ADAMTS17: variants seen among roughly 807,000 people sequenced by gnomAD.
ADAMTS17 encodes ADAM metallopeptidase with thrombospondin type 1 motif 17, also known as A disintegrin and metalloproteinase with thrombospondin motifs 17.
ADAMTS17 carries 113 observed loss-of-function variants against 141.5 expected under a neutral mutation model. The ratio of observed to expected loss-of-function variants is 0.80; its 90% CI spans 0.69 to 0.93. The LOEUF (loss-of-function observed/expected upper bound fraction) is 0.93. Ranked by LOEUF, ADAMTS17 falls within the 40% of genes least tolerant of loss-of-function variation. The pLI, the probability that ADAMTS17 is intolerant of heterozygous loss-of-function variation, is 0.00. For missense variants in ADAMTS17, 1,659 were observed against 1,517.9 expected (o/e 1.09, Z -1.54); for synonymous variants, 768 against 630.6 (o/e 1.22, Z -3.27).
intron 18 of ADAMTS17, 116 bp downstream of exon 18, chr15:100,048,741 T>C: frequency 6.7e-7 from 1 of 1,490,164 alleles, no homozygotes; most frequent in South Asian, 1.2e-5. Flanking sequence ...TCATCAACAA[T>C]AACGGAACAC....
intron 15 of ADAMTS17, among the ~76,000 whole-genome samples, chr15:100,087,219 A>G (rs1372437510): frequency 6.6e-6 from 1 of 152,216 alleles, no homozygotes; most frequent in Non-Finnish European, 1.5e-5. Flanking sequence ...CCTCTACACA[A>G]ATAAACTAGA....
At chr15:100,323,386 T>C (rs2045795291) in intron 3 of ADAMTS17, among the ~76,000 whole-genome samples, 1 of 152,290 alleles carries the variant, frequency 6.6e-6, no homozygotes, top group South Asian at 2.1e-4. Context: ...CTTACCACTA[T>C]ACTGTACTGC....
chr15:100,319,239 C>T (rs7183419), intron 3 of ADAMTS17, among the ~76,000 whole-genome samples: 11,449 of 152,250 alleles, frequency 0.075, 910 homozygotes, highest in East Asian at 0.24. Context: ...GTAAATGGGA[C>T]GTGTGCTTTT....
intron 18 of ADAMTS17, among the ~76,000 whole-genome samples, chr15:100,021,056 T>C (rs2061398652): frequency 6.6e-6 from 1 of 152,194 alleles, no homozygotes; most frequent in Admixed American, 6.5e-5. Context: ...TTCCCTCTCA[T>C]GGCTCACTTA....
Position 100,341,883 on chromosome 15 carries a change from A to G in ADAMTS17, c.17T>C (p.Leu6Pro). The part of the protein sequence containing the change: MCDGA[L>P]LPPLVLPVLL... The stretch of plus-strand genomic sequence containing the variant: ...CACGGGCAGGACGAGCGGAGGCAGC[A>G]GGGCGCCGTCACACATGGTACCCGG... The change falls in exon 1 of 22, where the codon CTG becomes CCG. Residue 6 changes from leucine to proline, a missense_variant. Physicochemically the swap from Leu to Pro is moderately conservative, Grantham distance 98. Transcript: ENST00000268070. 6.4e-7 allele frequency: 1 copy of G among 1,551,426 alleles called. No homozygotes were observed. The highest frequency in any genetic ancestry group is 8.7e-7 in the Non-Finnish European group (1 of 1,147,580).
At chr15:100,063,913 G>T (rs1169128114) in intron 15 of ADAMTS17, among the ~76,000 whole-genome samples, 2 of 152,140 alleles carry the variant, frequency 1.3e-5, no homozygotes, top group African/African-American at 4.8e-5. Context: ...CTAAGGCCAG[G>T]ACCTCCCAGT....
intron 7 of ADAMTS17, among the ~76,000 whole-genome samples, chr15:100,201,907 T>C (rs1187633186): frequency 6.6e-6 from 1 of 152,230 alleles, no homozygotes; most frequent in Non-Finnish European, 1.5e-5. Context: ...ACAGCCCTGA[T>C]GGTATGTGCA....
chr15:100,317,110 T>C (rs1215851059), intron 3 of ADAMTS17, among the ~76,000 whole-genome samples: 1 of 152,196 alleles, frequency 6.6e-6, no homozygotes, highest in African/African-American at 2.4e-5. Flanking sequence ...AAAGGGTAAG[T>C]GTCCACTCAC....
chr15:100,130,926 T>C (rs1188317041), intron 12 of ADAMTS17, among the ~76,000 whole-genome samples: 6 of 152,174 alleles, frequency 3.9e-5, no homozygotes, highest in Non-Finnish European at 8.8e-5. Flanking sequence ...CATATGTTTA[T>C]TGTGGCACTA....
intron 16 of ADAMTS17, among the ~76,000 whole-genome samples, chr15:100,053,180 G>C (rs1310191603): frequency 1.3e-5 from 2 of 152,210 alleles, no homozygotes; most frequent in Non-Finnish European, 2.9e-5. Context: ...TGAGCCATCA[G>C]AAGTTAGCCA....
At chr15:100,094,761 A>G (rs1431430382) in intron 15 of ADAMTS17, among the ~76,000 whole-genome samples, 1 of 152,242 alleles carries the variant, frequency 6.6e-6, no homozygotes, top group African/African-American at 2.4e-5. Flanking sequence ...GTAATCCTTT[A>G]CCAACTGCAG....
chr15:100,044,999 G>A (rs905829638), intron 18 of ADAMTS17, among the ~76,000 whole-genome samples: 3 of 151,830 alleles, frequency 2.0e-5, no homozygotes, highest in Non-Finnish European at 4.4e-5. Context: ...GTAGAGATGG[G>A]GTTTCATCAT....
intron 8 of ADAMTS17, among the ~76,000 whole-genome samples, chr15:100,158,045 C>T (rs11632487): frequency 0.054 from 8,166 of 152,180 alleles, 305 homozygotes; most frequent in South Asian, 0.16. Context: ...CGCGCCAGCA[C>T]GCCTGGCTAA....
intron 18 of ADAMTS17, among the ~76,000 whole-genome samples, chr15:100,006,089 AT>A (rs2061031748): frequency 6.6e-6 from 1 of 152,146 alleles, no homozygotes; most frequent in Non-Finnish European, 1.5e-5. Flanking sequence ...GTATGATATC[AT>A]TTTACCTAAT....
At chr15:100,085,433 A>G (rs1188323984) in intron 15 of ADAMTS17, among the ~76,000 whole-genome samples, 1 of 145,318 alleles carries the variant, frequency 6.9e-6, no homozygotes, top group Non-Finnish European at 1.5e-5. Flanking sequence ...GATATTATCC[A>G]GGAGAACTTC....
chr15:99,976,978 C>A lies in ADAMTS17; in HGVS notation c.2950-756G>T, dbSNP rs117795582. 9.5e-4 allele frequency among the ~76,000 whole-genome samples: 144 copies of A among 152,198 alleles called. 2 individuals are homozygous for A. In the East Asian group the frequency reaches 0.019, roughly 20 times the overall value. ...TGGCTTGGTGGCCCCCAGGAAGGAC[C>A]GGGCCTGATGACCACAGAGGTCTCC... On this transcript the variant is annotated intron_variant, in intron 20 of 21. Coordinates refer to ENST00000268070, the MANE Select transcript of ADAMTS17 (RefSeq NM_139057.4).
intron 8 of ADAMTS17, among the ~76,000 whole-genome samples, chr15:100,166,444 G>A (rs1431535331): frequency 1.3e-5 from 2 of 152,122 alleles, no homozygotes; most frequent in African/African-American, 2.4e-5. Context: ...TACAACATGG[G>A]CACCTTTGCC....
intron 4 of ADAMTS17, among the ~76,000 whole-genome samples, chr15:100,267,640 T>C (rs1157082409): frequency 6.6e-6 from 1 of 152,096 alleles, no homozygotes; most frequent in Non-Finnish European, 1.5e-5. Flanking sequence ...GTACTGAGCA[T>C]AGTACCCAGA....
At chr15:100,093,823 C>T (rs1366303944) in intron 15 of ADAMTS17, among the ~76,000 whole-genome samples, 1 of 152,106 alleles carries the variant, frequency 6.6e-6, no homozygotes, top group African/African-American at 2.4e-5. Context: ...GGGACAATAA[C>T]TTATTTCTGT....
Sources: gnomAD v4.1 joint callset for allele counts (sites outside exome capture counted in the v4.1 genomes callset) on GRCh38, gnomAD v4.1.1 for gene constraint, MANE v1.5 for transcripts, NCBI Gene and HGNC (gene_info 2026-07-23, HGNC 2026-07-21) for gene names.